The following PACRG variants were observed in gnomAD, a reference collection of about 807,000 sequenced individuals.
The protein encoded by PACRG is parkin coregulated.
Under a neutral mutation model 29.7 loss-of-function variants are expected in PACRG, and 29 were observed. The observed-to-expected ratio is 0.98, with a 90% confidence interval of 0.73 to 1.33. PACRG has a LOEUF of 1.33. Among genes scored for constraint, PACRG ranks in the 40% most tolerant of loss-of-function variants. The pLI, the probability that PACRG is intolerant of heterozygous loss-of-function variation, is 0.00. For synonymous variants in PACRG, 116 were observed against 118.7 expected (o/e 0.98, Z 0.15); for missense variants, 279 against 316.2 (o/e 0.88, Z 0.89).
At chr6:162,772,292 A>AGT (rs1783281629) in intron 1 of PACRG, among the ~76,000 whole-genome samples, 1 of 152,192 alleles carries the variant, frequency 6.6e-6, no homozygotes, top group Non-Finnish European at 1.5e-5. Context: ...AGAGCAACAA[A>AGT]GTGTTGGATG....
chr6:162,893,541 A>G (rs973011457), intron 2 of PACRG, among the ~76,000 whole-genome samples: 1 of 151,736 alleles, frequency 6.6e-6, no homozygotes, highest in African/African-American at 2.4e-5. Flanking sequence ...TGTAACCCAC[A>G]CTCTGTTTTC....
intron 4 of PACRG, among the ~76,000 whole-genome samples, chr6:163,239,638 C>T (rs78881556): frequency 0.077 from 11,545 of 150,088 alleles, 949 homozygotes; most frequent in East Asian, 0.19. Context: ...CCTGCTCCCA[C>T]GGCTGCCCCA....
intron 2 of PACRG, among the ~76,000 whole-genome samples, chr6:162,968,445 A>G (rs1227237048): frequency 1.3e-5 from 2 of 152,218 alleles, no homozygotes; most frequent in Non-Finnish European, 1.5e-5. Flanking sequence ...ATTTGTGGCT[A>G]GATCGTGCAA....
At chr6:163,278,882 T>C (rs1056425804) in intron 4 of PACRG, among the ~76,000 whole-genome samples, 2 of 152,192 alleles carry the variant, frequency 1.3e-5, no homozygotes, top group African/African-American at 4.8e-5. Flanking sequence ...ATGATGGTGG[T>C]ATTTTGATTG....
chr6:162,889,129 A>G (rs1794578784), intron 2 of PACRG, among the ~76,000 whole-genome samples: 2 of 152,220 alleles, frequency 1.3e-5, no homozygotes, highest in African/African-American at 4.8e-5. Context: ...CTTACCCAGT[A>G]AGCCATTATA....
intron 4 of PACRG, among the ~76,000 whole-genome samples, chr6:163,251,952 A>T (rs528943657): frequency 2.0e-5 from 3 of 152,280 alleles, no homozygotes; most frequent in African/African-American, 7.2e-5. Flanking sequence ...TGACTGTTAC[A>T]TGGTTCGATG....
At chr6:163,029,404 C>T (rs930035181) in intron 2 of PACRG, among the ~76,000 whole-genome samples, 5 of 152,216 alleles carry the variant, frequency 3.3e-5, no homozygotes, top group South Asian at 2.1e-4. Flanking sequence ...CCTCTCTGAG[C>T]ACCTCATGGC....
intron 1 of PACRG, 105 bp from the exon 2 acceptor site, chr6:162,814,042 A>C: frequency 1.6e-6 from 2 of 1,225,420 alleles, no homozygotes. Context: ...TTATCTTCCA[A>C]CATATTTATA....
At chr6:163,213,013 C>T (rs190752299) in intron 4 of PACRG, among the ~76,000 whole-genome samples, 1 of 152,074 alleles carries the variant, frequency 6.6e-6, no homozygotes, top group Admixed American at 6.5e-5. Flanking sequence ...CTCCTGACCT[C>T]GTGATCCACC....
chr6:163,099,809 T>C (rs922554775), intron 4 of PACRG, among the ~76,000 whole-genome samples: 2 of 152,180 alleles, frequency 1.3e-5, no homozygotes, highest in African/African-American at 4.8e-5. Context: ...TCCGTGCCAC[T>C]GCGGAACCCC....
chr6:162,886,060 C>A (rs1422009233), intron 2 of PACRG, among the ~76,000 whole-genome samples: 1 of 152,026 alleles, frequency 6.6e-6, no homozygotes, highest in Non-Finnish European at 1.5e-5. Flanking sequence ...TTATTTGCCT[C>A]CTGAGTAGCT....
At chr6:162,765,173 A>G (rs886279726) in intron 1 of PACRG, among the ~76,000 whole-genome samples, 1 of 151,798 alleles carries the variant, frequency 6.6e-6, no homozygotes, top group African/African-American at 2.4e-5. Context: ...TTACCTACCT[A>G]CCTGCTTGCC....
chr6:163,163,207 A>G (rs1778633279), intron 4 of PACRG, among the ~76,000 whole-genome samples: 1 of 152,106 alleles, frequency 6.6e-6, no homozygotes, highest in Admixed American at 6.5e-5. Context: ...AACTATTGCC[A>G]CACCTACTTG....
chr6:163,261,226 G>A (rs1415677001), intron 4 of PACRG, among the ~76,000 whole-genome samples: 3 of 151,948 alleles, frequency 2.0e-5, no homozygotes, highest in Non-Finnish European at 4.4e-5. Context: ...TGCCAGGCAG[G>A]CACTGGATTT....
intron 4 of PACRG, among the ~76,000 whole-genome samples, chr6:163,105,279 T>A (rs1359688368): frequency 6.6e-6 from 1 of 152,210 alleles, no homozygotes; most frequent in Non-Finnish European, 1.5e-5. Flanking sequence ...ATGATAGTTT[T>A]GTAATGTGAG....
chr6:162,902,064 G>A (rs1041273184), intron 2 of PACRG, among the ~76,000 whole-genome samples: 1 of 152,112 alleles, frequency 6.6e-6, no homozygotes, highest in Non-Finnish European at 1.5e-5. Flanking sequence ...CTTCTTAATC[G>A]TTTTTTGTTT....
chr6:163,193,415 C>T (rs1052610551), intron 4 of PACRG, among the ~76,000 whole-genome samples: 2 of 152,196 alleles, frequency 1.3e-5, no homozygotes, highest in Non-Finnish European at 2.9e-5. Context: ...AGAGTTGGTA[C>T]TTTCACCACT....
intron 4 of PACRG, among the ~76,000 whole-genome samples, chr6:163,112,372 G>A (rs1320892007): frequency 6.6e-6 from 1 of 152,170 alleles, no homozygotes; most frequent in Non-Finnish European, 1.5e-5. Flanking sequence ...CAGTGCAGGT[G>A]AAAAGGACCC....
intron 4 of PACRG, chr6:163,190,555 C>T (rs2874544): frequency 0.78 from 120,116 of 153,478 alleles, 47,588 homozygotes; most frequent in Non-Finnish European, 0.85. Flanking sequence ...ATGGGCTTTC[C>T]TGTAAATTTT....
Sources: gnomAD v4.1 joint callset for allele counts (sites outside exome capture counted in the v4.1 genomes callset) on GRCh38, gnomAD v4.1.1 for gene constraint, MANE v1.5 for transcripts, NCBI Gene and HGNC (gene_info 2026-07-23, HGNC 2026-07-21) for gene names.